STK24: variants seen among roughly 807,000 people sequenced by gnomAD.
STK24 encodes serine/threonine kinase 24, also known as serine/threonine-protein kinase 24.
Under a neutral mutation model 55.6 loss-of-function variants are expected in STK24, and 21 were observed. The observed-to-expected ratio is 0.38, with a 90% CI of 0.27 to 0.54. The LOEUF is 0.54. Among genes scored for constraint, STK24 ranks in the 20% least tolerant of loss-of-function variants. The pLI, the probability that STK24 is intolerant of heterozygous loss-of-function variation, is 0.79. For synonymous variants in STK24, 200 were observed against 215.2 expected (o/e 0.93, Z 0.62); for missense variants, 383 against 538.4 (o/e 0.71, Z 2.86).
At chr13:98,532,930 A>T (rs144793053) in intron 1 of STK24, among the ~76,000 whole-genome samples, 254 of 152,380 alleles carry the variant, frequency 1.7e-3, no homozygotes, top group Non-Finnish European at 3.1e-3. Context: ...TAGTAAACTC[A>T]TTTCTCCCAT....
Position 98,446,592 on chromosome 13 carries a change from A to T in STK24, c.*6581T>A. On this transcript the variant is annotated 3_prime_UTR_variant, in exon 11 of 11. Coordinates refer to ENST00000539966, the MANE Select transcript of STK24 (RefSeq NM_001032296.4). ...GCCTGGGCTCCCAAGTCCCTGTCTG[A>T]TGCGGGGCAGCAGCCAGGCCCAGCA... The T allele has an allele frequency of 6.7e-7, 1 of 1,497,958 alleles. No homozygotes were observed. The highest frequency in any genetic ancestry group is 9.2e-7 in the Non-Finnish European group (1 of 1,084,366). The allele number at this position is 1,497,958 out of a possible 1,614,324, so 92.8% of individuals were successfully genotyped here. A position where few individuals can be genotyped will look rare whatever the true frequency, so the allele number is the denominator to read the frequency against.
At chr13:98,563,831 G>A (rs973854326) in intron 1 of STK24, among the ~76,000 whole-genome samples, 2 of 151,440 alleles carry the variant, frequency 1.3e-5, no homozygotes, top group African/African-American at 4.9e-5. Flanking sequence ...CTGCACTCCA[G>A]CCTGGGTGAA....
At chr13:98,531,909 C>T (rs555933280) in intron 1 of STK24, among the ~76,000 whole-genome samples, 2 of 152,238 alleles carry the variant, frequency 1.3e-5, no homozygotes, top group South Asian at 4.2e-4. Flanking sequence ...GCTCTGTGAT[C>T]CTGAGGTCAG....
intron 1 of STK24, among the ~76,000 whole-genome samples, chr13:98,571,711 C>T (rs1363447836): frequency 6.6e-6 from 1 of 152,130 alleles, no homozygotes; most frequent in Non-Finnish European, 1.5e-5. Context: ...ACTTATTACT[C>T]TTTAGCACTG....
chr13:98,467,899 G>A (rs1273984542), intron 5 of STK24, among the ~76,000 whole-genome samples: 10 of 152,202 alleles, frequency 6.6e-5, no homozygotes, highest in Non-Finnish European at 4.4e-5. Context: ...AGTCCTATAT[G>A]GGCTGGCGAA....
At chr13:98,566,648 T>C (rs1322725380) in intron 1 of STK24, among the ~76,000 whole-genome samples, 3 of 152,056 alleles carry the variant, frequency 2.0e-5, no homozygotes, top group African/African-American at 7.3e-5. Context: ...GGCAACAAAT[T>C]CCAAAGATGT....
At chr13:98,475,986 G>T (rs1894356396) in intron 3 of STK24, among the ~76,000 whole-genome samples, 2 of 152,030 alleles carry the variant, frequency 1.3e-5, no homozygotes, top group Non-Finnish European at 2.9e-5. Flanking sequence ...GCAGCTGAAA[G>T]AGCTTAAATC....
chr13:98,489,212 G>A (rs1894925348), intron 2 of STK24, among the ~76,000 whole-genome samples: 1 of 152,220 alleles, frequency 6.6e-6, no homozygotes, highest in Admixed American at 6.5e-5. Context: ...ATGATGAAGT[G>A]AGGCCGTGTA....
In STK24 at chr13:98,531,298, G is replaced by A. The variant is rs183739201; in HGVS notation, c.43-11825C>T. 2.0e-4 allele frequency among the ~76,000 whole-genome samples: 31 copies of A among 152,306 alleles called. No homozygotes were observed. In the East Asian group the frequency reaches 5.8e-3, roughly 28 times the overall value. ...TTTATAAAATATCTACACATGCAGGGATATGTACAGAAAAGGCCAATGGAA... is the reference window on the plus strand; with the variant it reads ...TTTATAAAATATCTACACATGCAGGAATATGTACAGAAAAGGCCAATGGAA... On this transcript the variant is annotated intron_variant, in intron 1 of 10. Coordinates refer to ENST00000539966, the MANE Select transcript of STK24 (RefSeq NM_001032296.4).
intron 2 of STK24, among the ~76,000 whole-genome samples, chr13:98,492,074 CGCGT>C (rs1361247448): frequency 1.9e-4 from 12 of 62,294 alleles, no homozygotes; most frequent in African/African-American, 5.5e-4. Context: ...AAAGTGCGTG[CGCGT>C]GTGTGTGTGT....
intron 1 of STK24, among the ~76,000 whole-genome samples, chr13:98,573,596 C>G (rs1897797369): frequency 6.6e-6 from 1 of 152,190 alleles, no homozygotes; most frequent in Non-Finnish European, 1.5e-5. Flanking sequence ...CAACCCCTCC[C>G]CTAGGACCTG....
rs1157990864 is a variant in STK24 at position 98,472,915 on chromosome 13, CTAGAACG to C, written c.597+1899_597+1905del. ...AAACCTCTCTCAGCTTGCATCTCAA[CTAGAACG>C]CCATCCTGCCAGGGCCCAACCCTGA... On this transcript the variant is annotated intron_variant, in intron 5 of 10. Transcript: ENST00000539966. Among the ~76,000 whole-genome samples, 5 of 152,226 alleles carry C rather than the reference CTAGAACG, an allele frequency of 3.3e-5. No individual in the cohort carries two copies. The East Asian group carries it at 7.8e-4, about 24-fold the overall frequency.
chr13:98,521,313 G>A (rs1404233701), intron 1 of STK24, among the ~76,000 whole-genome samples: 1 of 152,072 alleles, frequency 6.6e-6, no homozygotes, highest in Non-Finnish European at 1.5e-5. Context: ...TTTCAGTCAC[G>A]GCACTACATT....
At chr13:98,474,713 C>G in intron 5 of STK24, 108 bp downstream of exon 5, 2 of 1,391,042 alleles carry the variant, frequency 1.4e-6, no homozygotes, top group Non-Finnish European at 1.9e-6. Context: ...TGACCTACCT[C>G]AAGGTACCAG....
intron 1 of STK24, among the ~76,000 whole-genome samples, chr13:98,573,144 C>T (rs1897786093): frequency 6.6e-6 from 1 of 152,108 alleles, no homozygotes; most frequent in African/African-American, 2.4e-5. Flanking sequence ...GATACTCAAC[C>T]CGTAGTAAGG....
At chr13:98,538,041 T>G (rs930327780) in intron 1 of STK24, among the ~76,000 whole-genome samples, 2 of 152,050 alleles carry the variant, frequency 1.3e-5, no homozygotes, top group African/African-American at 4.8e-5. Flanking sequence ...GCTTCCACCC[T>G]GGTTTTCTGT....
At chr13:98,555,534 G>A (rs1188053404) in intron 1 of STK24, among the ~76,000 whole-genome samples, 5 of 151,448 alleles carry the variant, frequency 3.3e-5, no homozygotes, top group South Asian at 2.1e-4. Flanking sequence ...AGCCGAGATC[G>A]CACCACTGCA....
At chr13:98,554,923 G>A (rs1269925863) in intron 1 of STK24, among the ~76,000 whole-genome samples, 6 of 147,954 alleles carry the variant, frequency 4.1e-5, no homozygotes, top group Non-Finnish European at 8.9e-5. Context: ...GCTGAGGCAC[G>A]AGAATCACTT....
intron 1 of STK24, among the ~76,000 whole-genome samples, chr13:98,523,382 C>T (rs1038222843): frequency 6.6e-6 from 1 of 152,200 alleles, no homozygotes; most frequent in Non-Finnish European, 1.5e-5. Flanking sequence ...AAAATAACCA[C>T]CCATAAATCC....
Sources: allele counts gnomAD v4.1 joint callset (sites outside exome capture counted in the v4.1 genomes callset), GRCh38; gene constraint gnomAD v4.1.1; transcripts MANE v1.5; gene names NCBI Gene and HGNC (gene_info 2026-07-23, HGNC 2026-07-21).